Variants in ZNF407 observed in about 807,000 individuals in gnomAD.
ZNF407 encodes zinc finger protein 407.
Under a neutral mutation model 131.2 loss-of-function variants are expected in ZNF407, and 17 were observed. The observed-to-expected ratio is 0.13, with a 90% CI of 0.09 to 0.19. ZNF407 has a LOEUF of 0.19. ZNF407 is among the 10% of genes least tolerant of loss of function. The pLI, the probability that ZNF407 is intolerant of heterozygous loss-of-function variation, is 1.00. For synonymous variants in ZNF407, 1,156 were observed against 1,062.0 expected (o/e 1.09, Z -1.72); for missense variants, 2,681 against 2,830.6 (o/e 0.95, Z 1.20).
chr18:74,634,477 A>G lies in ZNF407; in HGVS notation c.3458A>G (p.Glu1153Gly), dbSNP rs774171171. ...GCTGACTCTGTAGAAGTTGAGACTG[A>G]AGAAGAATCTAATTTCAATGAAGAC... ...CAADSVEVET[E>G]EESNFNEDHS... Residue 1153 changes from glutamate to glycine, a missense_variant, in exon 2 of 9, where the codon GAA becomes GGA. Physicochemically the swap from Glu to Gly is moderately conservative, Grantham distance 98 (BLOSUM62 -2). This residue lies in a region of ZNF407 where 1,789 missense variants were observed against 1,748.7 expected (regional missense o/e 1.02). Transcript: ENST00000299687. The G allele has an allele frequency of 6.2e-7, 1 of 1,613,800 alleles. No individual in the cohort carries two copies. Among genetic ancestry groups the G allele is most frequent in the Non-Finnish European group, 8.5e-7 (1 of 1,179,888 alleles).
intron 5 of ZNF407, among the ~76,000 whole-genome samples, chr18:74,880,504 T>C (rs1481646142): frequency 1.3e-5 from 2 of 152,190 alleles, no homozygotes; most frequent in African/African-American, 4.8e-5. Context: ...ACTTGGGATC[T>C]TCAGCATGTT....
intron 3 of ZNF407, among the ~76,000 whole-genome samples, chr18:74,674,926 A>G (rs1030295535): frequency 2.6e-5 from 4 of 152,174 alleles, no homozygotes; most frequent in Non-Finnish European, 5.9e-5. Flanking sequence ...CACCAAATGT[A>G]TATCTCTAGT....
At chr18:74,923,347 C>G (rs1296262938) in intron 8 of ZNF407, among the ~76,000 whole-genome samples, 3 of 150,586 alleles carry the variant, frequency 2.0e-5, no homozygotes, top group Non-Finnish European at 4.4e-5. Flanking sequence ...TGCAAATCCA[C>G]TACCAGCTTA....
rs1290105148 is a variant in ZNF407, at chr18:74,981,470, G to C, written c.5428+60778G>C. ...TGGACTTCCAAGAAGCTTACGATCT[G>C]TTCCTGGTTCAGACAAGATTAAGTA... On this transcript the variant is annotated intron_variant, in intron 8 of 8. Coordinates refer to ENST00000299687, the MANE Select transcript of ZNF407 (RefSeq NM_017757.3). 3.9e-5 allele frequency among the ~76,000 whole-genome samples: 6 copies of C among 152,330 alleles called. No homozygotes were observed. The East Asian group carries it at 9.6e-4, about 24-fold the overall frequency.
intron 3 of ZNF407, among the ~76,000 whole-genome samples, chr18:74,757,994 T>C (rs1474726173): frequency 2.6e-5 from 4 of 152,226 alleles, no homozygotes; most frequent in African/African-American, 9.6e-5. Context: ...TCTTTCATCC[T>C]GATACGTTCA....
chr18:74,817,549 TAAA>T (rs1970284161), intron 4 of ZNF407, among the ~76,000 whole-genome samples: 1 of 152,200 alleles, frequency 6.6e-6, no homozygotes, highest in South Asian at 2.1e-4. Context: ...GTTTATAAAA[TAAA>T]AAATATTAAG....
chr18:74,809,251 C>G (rs536561795), intron 4 of ZNF407, among the ~76,000 whole-genome samples: 1 of 152,286 alleles, frequency 6.6e-6, no homozygotes, highest in African/African-American at 2.4e-5. Context: ...GAAGTGATAT[C>G]TTTGGTTGAT....
In ZNF407 at chr18:75,064,414, G is replaced by A. The variant is rs375632676; in HGVS notation, c.6693G>A (p.Ser2231=). 3.1e-5 allele frequency: 47 copies of A among 1,526,580 alleles called. No homozygotes were observed. The highest frequency in any genetic ancestry group is 4.4e-5 in the Admixed American group (2 of 45,246). 94.6% of individuals were successfully genotyped at this position (1,526,580 alleles called of 1,614,324 possible). Residue 2231 remains serine, a synonymous_variant, in exon 9 of 9, where the codon TCG becomes TCA. Coordinates refer to ENST00000299687, the MANE Select transcript of ZNF407 (RefSeq NM_017757.3). ...TCATCTACACCCAGGAGGGCTCCTC[G>A]GCCGCGGCGGCAATTCAGAGCCAAA... The part of the protein sequence containing the change: ...SVVIYTQEGS[S]AAAAIQSQRE...
chr18:74,954,462 G>A (rs1050682165), intron 8 of ZNF407, among the ~76,000 whole-genome samples: 2 of 152,076 alleles, frequency 1.3e-5, no homozygotes, highest in African/African-American at 4.8e-5. Context: ...GTTGGGCAAA[G>A]GAGAAAATAA....
intron 3 of ZNF407, among the ~76,000 whole-genome samples, chr18:74,751,900 C>T (rs1438244495): frequency 6.6e-6 from 1 of 152,176 alleles, no homozygotes; most frequent in East Asian, 1.9e-4. Flanking sequence ...AATGGGATGG[C>T]TGGGTCAAAT....
intron 8 of ZNF407, among the ~76,000 whole-genome samples, chr18:75,054,704 T>C (rs1226002165): frequency 6.6e-6 from 1 of 152,300 alleles, no homozygotes; most frequent in East Asian, 1.9e-4. Context: ...TAGGAAAAGG[T>C]GGTTGGGATT....
chr18:74,767,432 A>G (rs1169915477), intron 3 of ZNF407, among the ~76,000 whole-genome samples: 1 of 152,084 alleles, frequency 6.6e-6, no homozygotes, highest in African/African-American at 2.4e-5. Flanking sequence ...ATTCTGTTCT[A>G]TATACAGATT....
intron 8 of ZNF407, among the ~76,000 whole-genome samples, chr18:75,035,638 T>G (rs1973299554): frequency 6.6e-6 from 1 of 152,226 alleles, no homozygotes; most frequent in African/African-American, 2.4e-5. Context: ...GAAACTGCCA[T>G]GCACAGGAAG....
At chr18:74,720,005 T>C (rs554118587) in intron 3 of ZNF407, among the ~76,000 whole-genome samples, 77 of 152,348 alleles carry the variant, frequency 5.1e-4, no homozygotes, top group African/African-American at 1.7e-3. Context: ...TTCCTTTGGA[T>C]GAATGTCCAG....
chr18:74,793,948 C>A (rs1401074380), intron 4 of ZNF407, among the ~76,000 whole-genome samples: 3 of 152,202 alleles, frequency 2.0e-5, no homozygotes, highest in African/African-American at 7.2e-5. Context: ...TGCCCCTCAC[C>A]TGTTAACCAG....
intron 3 of ZNF407, among the ~76,000 whole-genome samples, chr18:74,680,453 T>A (rs572704652): frequency 6.7e-6 from 1 of 149,890 alleles, no homozygotes; most frequent in Non-Finnish European, 1.5e-5. Flanking sequence ...GGGAAAAAAA[T>A]TGAAGGTGTT....
intron 4 of ZNF407, among the ~76,000 whole-genome samples, chr18:74,801,057 G>A (rs1970011458): frequency 6.6e-6 from 1 of 151,658 alleles, no homozygotes; most frequent in Non-Finnish European, 1.5e-5. Context: ...TTCTTTCCCC[G>A]TTAGAAAATA....
chr18:75,059,502 G>A (rs903876287), intron 8 of ZNF407, among the ~76,000 whole-genome samples: 2 of 152,084 alleles, frequency 1.3e-5, no homozygotes, highest in Admixed American at 6.5e-5. Context: ...TTCTGAATTA[G>A]ACTAAAAATG....
chr18:75,000,845 T>C lies in ZNF407; in HGVS notation c.5429-62305T>C, dbSNP rs573200063. 6.6e-5 allele frequency among the ~76,000 whole-genome samples: 10 copies of C among 152,322 alleles called. No individual in the cohort carries two copies. In the South Asian group the frequency reaches 1.9e-3, roughly 28 times the overall value. On this transcript the variant is annotated intron_variant, in intron 8 of 8. Transcript: ENST00000299687. ...TAATTGTGCTTCACCTGAAAGATCA[T>C]ACATATGTGCATCGAATGCTTGGAG...
Sources: allele counts gnomAD v4.1 joint callset (sites outside exome capture counted in the v4.1 genomes callset), GRCh38; gene constraint gnomAD v4.1.1; regional missense constraint gnomAD v4.1.1; transcripts MANE v1.5; gene names NCBI Gene and HGNC (gene_info 2026-07-23, HGNC 2026-07-21).